Variants in APAF1 observed in about 807,000 individuals in gnomAD.
APAF1 encodes apoptotic peptidase activating factor 1, also known as apoptotic protease-activating factor 1.
In APAF1, 91 loss-of-function variants were observed where a neutral mutation model predicts 152.4. That is an observed-to-expected ratio of 0.60 (90% CI 0.50 to 0.71). The LOEUF is 0.71. APAF1 is among the 30% of genes least tolerant of loss of function. The probability of loss-of-function intolerance (pLI) is 0.00; values close to 1 mark genes in which losing one functional copy is unlikely to be tolerated. For missense variants in APAF1, 1,283 were observed against 1,472.0 expected, an observed-to-expected ratio of 0.87 and a Z score of 2.10; for synonymous variants, 484 against 494.1, an observed-to-expected ratio of 0.98 and a Z score of 0.27.
At position 98,733,806 on chromosome 12, in the gene APAF1, C is replaced by G. The variant is rs553163136; in HGVS notation, c.*1240C>G. Reference sequence around the variant, plus strand: ...ATTTTATTGGTCTACCCTTTTCTCACTGTAGCTGCTGGCAGCCCTGTGCCA... The same window carrying G: ...ATTTTATTGGTCTACCCTTTTCTCAGTGTAGCTGCTGGCAGCCCTGTGCCA... On this transcript the variant is annotated 3_prime_UTR_variant, in exon 27 of 27. Transcript: ENST00000551964. 40 of 152,326 alleles carry G rather than the reference C, an allele frequency of 2.6e-4. No homozygotes were observed. Among genetic ancestry groups the G allele is most frequent in the African/African-American group, 8.7e-4 (36 of 41,564 alleles). 9.4% of individuals were successfully genotyped at this position (152,326 alleles called of 1,614,324 possible).
intron 16 of APAF1, among the ~76,000 whole-genome samples, chr12:98,693,809 C>A (rs4341587): frequency 2.0e-5 from 2 of 101,640 alleles, no homozygotes; most frequent in South Asian, 2.8e-4. Context: ...TTTTTTTTTT[C>A]GTCTTCTTTC....
At chr12:98,652,546 A>T (rs2097650252) in intron 4 of APAF1, among the ~76,000 whole-genome samples, 1 of 150,140 alleles carries the variant, frequency 6.7e-6, no homozygotes, top group Non-Finnish European at 1.5e-5. Flanking sequence ...GGGGTTTCCA[A>T]TTTTTTTTTC....
At chr12:98,679,139 T>C (rs750664698) in intron 13 of APAF1, among the ~76,000 whole-genome samples, 2 of 152,172 alleles carry the variant, frequency 1.3e-5, no homozygotes, top group Non-Finnish European at 1.5e-5. Context: ...CATGGACCAG[T>C]TGGCATGTAC....
At position 98,734,407 on chromosome 12, in the gene APAF1, ATAAATTAATAG is replaced by A. The variant is rs2097766199; in HGVS notation, c.*1844_*1854del. The A allele has an allele frequency of 6.6e-6, 1 of 152,244 alleles. No homozygotes were observed. The highest frequency in any genetic ancestry group is 1.5e-5 in the Non-Finnish European group (1 of 68,046). 9.4% of individuals were successfully genotyped at this position (152,244 alleles called of 1,614,324 possible). ...AAATATATTATTAAGGGCAATGGAG[ATAAATTAATAG>A]TAGATGTGGTTCCCAGAAAATATAA... On this transcript the variant is annotated 3_prime_UTR_variant, in exon 27 of 27. Transcript: ENST00000551964.
chr12:98,687,783 A>G (rs1320909818), intron 16 of APAF1, among the ~76,000 whole-genome samples: 1 of 152,066 alleles, frequency 6.6e-6, no homozygotes, highest in African/African-American at 2.4e-5. Context: ...AGCAAGATCT[A>G]TGGGTCAGGT....
At chr12:98,691,414 A>G (rs1320605126) in intron 16 of APAF1, among the ~76,000 whole-genome samples, 1 of 151,970 alleles carries the variant, frequency 6.6e-6, no homozygotes, top group Non-Finnish European at 1.5e-5. Flanking sequence ...TTCTTCCTTG[A>G]TTGTATTGTT....
chr12:98,714,053 G>T (rs1283759916), intron 21 of APAF1, among the ~76,000 whole-genome samples: 2 of 152,166 alleles, frequency 1.3e-5, no homozygotes, highest in South Asian at 4.1e-4. Flanking sequence ...AGGGATAATT[G>T]TATGTTTACA....
intron 17 of APAF1, 58 bp downstream of exon 17, chr12:98,699,627 C>A: frequency 1.3e-6 from 2 of 1,580,980 alleles, no homozygotes; most frequent in Non-Finnish European, 1.7e-6. Flanking sequence ...AACTTCTGTT[C>A]ATTTTTGCAT....
rs1016389027 is a variant in APAF1, at chr12:98,723,122, C to T, written c.3085-71C>T. 33 of 1,508,140 alleles carry T rather than the reference C, an allele frequency of 2.2e-5. No homozygotes were observed. In the African/African-American group the frequency reaches 3.8e-4, roughly 18 times the overall value. The allele number at this position is 1,508,140 out of a possible 1,614,324, so 93.4% of individuals were successfully genotyped here. A position where few individuals can be genotyped will look rare whatever the true frequency, so the allele number is the denominator to read the frequency against. On this transcript the variant is annotated intron_variant, in intron 22 of 26. Transcript: ENST00000551964. ...AAAAGACTTTAGACAAGAGAATGTA[C>T]ACTCTCTCCACCCCTCCAATGAGAT... is the stretch of plus-strand genomic sequence containing the variant.
chr12:98,706,583 G>T lies in APAF1; in HGVS notation c.2694G>T (p.Leu898Phe). The T allele has an allele frequency of 1.2e-6, 2 of 1,613,964 alleles. No homozygotes were observed. Among genetic ancestry groups the T allele is most frequent in the South Asian group, 2.2e-5 (2 of 91,062 alleles). Residue 898 changes from leucine (L) to phenylalanine (F), a missense_variant, in exon 19 of 27, where the codon TTG becomes TTT. Leu to Phe is a conservative substitution (Grantham distance 22). Transcript: ENST00000551964. ...VMFSPDGSSFLTSSDDQTIRL... is the reference protein window; with the variant it reads ...VMFSPDGSSFFTSSDDQTIRL... ...TTTCTCCTGATGGATCATCATTTTT[G>T]ACATCTTCTGATGACCAGACAATCA...
intron 7 of APAF1, among the ~76,000 whole-genome samples, chr12:98,665,124 G>A (rs1413128513): frequency 1.4e-5 from 2 of 144,648 alleles, no homozygotes; most frequent in African/African-American, 5.1e-5. Context: ...CAACCTCCTG[G>A]GCTGAAGCAA....
chr12:98,682,044 A>ATTTTTTTTT (rs1201758624), intron 14 of APAF1, among the ~76,000 whole-genome samples: 1 of 141,204 alleles, frequency 7.1e-6, no homozygotes, highest in Non-Finnish European at 1.5e-5. Flanking sequence ...ATGATGATTA[A>ATTTTTTTTT]TTTTTTTGTT....
At chr12:98,727,888 C>T (rs2097752948) in intron 26 of APAF1, among the ~76,000 whole-genome samples, 1 of 151,336 alleles carries the variant, frequency 6.6e-6, no homozygotes, top group Non-Finnish European at 1.5e-5. Context: ...TTGCAGTGAG[C>T]CGAGATCACA....
intron 22 of APAF1, among the ~76,000 whole-genome samples, chr12:98,720,899 G>A (rs187212756): frequency 7.2e-5 from 11 of 151,876 alleles, no homozygotes; most frequent in Non-Finnish European, 1.2e-4. Context: ...TCTGGGAGGC[G>A]AAGCTTGCAG....
In APAF1 at chr12:98,667,368, G is replaced by C. The variant is rs148324424; in HGVS notation, c.1363-145G>C. 7.2e-4 allele frequency: 595 copies of C among 831,046 alleles called. 3 individuals carry two copies. The African/African-American group carries it at 8.4e-3, about 12-fold the overall frequency. The allele number at this position is 831,046 out of a possible 1,614,324, so 51.5% of individuals were successfully genotyped here. On this transcript the variant is annotated intron_variant, in intron 9 of 26. Transcript: ENST00000551964. Reference sequence around the variant, plus strand: ...TGGCCTCAAGTGATCCTCCTACCTTGGCCTCCCAAAGTGCTGGGATTACAG... The same window carrying C: ...TGGCCTCAAGTGATCCTCCTACCTTCGCCTCCCAAAGTGCTGGGATTACAG...
At chr12:98,714,182 T>C (rs2153339791) in intron 21 of APAF1, among the ~76,000 whole-genome samples, 1 of 152,342 alleles carries the variant, frequency 6.6e-6, no homozygotes, top group South Asian at 2.1e-4. Flanking sequence ...CAGTACCACA[T>C]TCTTTTCATT....
chr12:98,648,432 A>G lies in APAF1; in HGVS notation c.73A>G (p.Ile25Val). Reference protein sequence around the residue: ...ALEKDIKTSYIMDHMISDGFL... With the variant: ...ALEKDIKTSYVMDHMISDGFL... ...GGAAAAGGACATCAAGACATCCTAC[A>G]TCATGGATCACATGATTAGTGATGG... The change falls in exon 2 of 27, where the codon ATC becomes GTC. Residue 25 changes from isoleucine (I) to valine (V), a missense_variant. Coordinates refer to ENST00000551964, the MANE Select transcript of APAF1 (RefSeq NM_181861.2). 6.2e-7 allele frequency: 1 copy of G among 1,614,096 alleles called. No homozygotes were observed. Among genetic ancestry groups the G allele is most frequent in the Non-Finnish European group, 8.5e-7 (1 of 1,179,966 alleles).
At chr12:98,728,117 T>A (rs896744348) in intron 26 of APAF1, among the ~76,000 whole-genome samples, 2 of 152,120 alleles carry the variant, frequency 1.3e-5, no homozygotes, top group Non-Finnish European at 2.9e-5. Flanking sequence ...GTGGCAGGGA[T>A]GCCCTCAATC....
At position 98,670,892 on chromosome 12, in the gene APAF1, G is replaced by A. The variant is rs561851429; in HGVS notation, c.1495-81G>A. The A allele has an allele frequency of 7.7e-6, 6 of 783,676 alleles. No individual in the cohort carries two copies. The African/African-American group carries it at 1.0e-4, about 13-fold the overall frequency. 48.5% of individuals were successfully genotyped at this position (783,676 alleles called of 1,614,324 possible). ...TTCTAGATATTTACTGTTTCTCTTA[G>A]CAGTGTGAGGTTAATGATGTTATAC... On this transcript the variant is annotated intron_variant, in intron 10 of 26. Transcript: ENST00000551964.
Sources: allele counts gnomAD v4.1 joint callset (sites outside exome capture counted in the v4.1 genomes callset), GRCh38; gene constraint gnomAD v4.1.1; transcripts MANE v1.5; gene names NCBI Gene and HGNC (gene_info 2026-07-23, HGNC 2026-07-21).